Variants in EIF4G3 observed in about 807,000 individuals in gnomAD.
EIF4G3 encodes the protein eukaryotic translation initiation factor 4 gamma 3, also known as eIF-4-gamma 3.
Under a neutral mutation model 186.4 loss-of-function variants are expected in EIF4G3, and 34 were observed. The observed-to-expected ratio is 0.18, with a 90% confidence interval of 0.14 to 0.24. The LOEUF (loss-of-function observed/expected upper bound fraction) is 0.24, where lower values mean the gene tolerates loss of function less well. Ranked by LOEUF, EIF4G3 falls within the 10% of genes least tolerant of loss-of-function variation. EIF4G3 has a pLI of 1.00. For synonymous variants in EIF4G3, 673 were observed against 679.5 expected, an observed-to-expected ratio of 0.99 and a Z score of 0.15; for missense variants, 1,536 against 1,948.5, an observed-to-expected ratio of 0.79 and a Z score of 3.99.
chr1:20,910,916 A>C (rs2093090134), intron 14 of EIF4G3, among the ~76,000 whole-genome samples: 1 of 152,266 alleles, frequency 6.6e-6, no homozygotes, highest in Non-Finnish European at 1.5e-5. Flanking sequence ...CAGGCTACAT[A>C]CTTGAACAAT....
intron 10 of EIF4G3, among the ~76,000 whole-genome samples, chr1:20,976,159 T>C (rs913746552): frequency 6.7e-6 from 1 of 150,154 alleles, no homozygotes; most frequent in African/African-American, 2.4e-5. Context: ...CCTTGGTTTG[T>C]ATTTTTATTT....
chr1:21,129,302 C>T (rs976769510), intron 2 of EIF4G3, among the ~76,000 whole-genome samples: 5 of 145,874 alleles, frequency 3.4e-5, no homozygotes, highest in Admixed American at 2.1e-4. Context: ...GCAACAAGAG[C>T]GAAACTCTAT....
intron 4 of EIF4G3, among the ~76,000 whole-genome samples, chr1:21,038,750 C>T (rs1296743587): frequency 1.3e-5 from 2 of 152,128 alleles, no homozygotes; most frequent in East Asian, 3.8e-4. Flanking sequence ...ATTCCCAGTT[C>T]TTGGGAGTGT....
Position 21,109,889 on chromosome 1 carries a change from A to T in EIF4G3, c.-271-20676T>A, listed in dbSNP as rs534052180. On this transcript the variant is annotated intron_variant, in intron 2 of 36. Coordinates refer to ENST00000602326, the MANE Select transcript of EIF4G3 (RefSeq NM_001391906.1). ...AACCTCCCCCGTCTAGGTTCAAGCGATTCTCCCGCCTCAGCCACCCAAGTA... is the reference window on the plus strand; with the variant it reads ...AACCTCCCCCGTCTAGGTTCAAGCGTTTCTCCCGCCTCAGCCACCCAAGTA... 4.3e-4 allele frequency among the ~76,000 whole-genome samples: 65 copies of T among 152,186 alleles called. 1 individual carries two copies. The highest frequency in any genetic ancestry group is 1.4e-3 in the African/African-American group (57 of 41,536).
At chr1:20,957,408 C>T (rs1046447686) in intron 12 of EIF4G3, among the ~76,000 whole-genome samples, 1 of 151,440 alleles carries the variant, frequency 6.6e-6, no homozygotes, top group African/African-American at 2.4e-5. Flanking sequence ...GCAAAGTTTA[C>T]AGCACTAAAT....
At position 20,933,526 on chromosome 1, in the gene EIF4G3, G is replaced by A. The variant is rs766041410; in HGVS notation, c.1663+7965C>T. ...AAAAATTATCCGGGCGTGGTGGTGC[G>A]CACCTGTAATCCCAGCTACTCAGGG... On this transcript the variant is annotated intron_variant, in intron 14 of 36. Coordinates refer to ENST00000602326, the MANE Select transcript of EIF4G3 (RefSeq NM_001391906.1). Among the ~76,000 whole-genome samples, 254 of 152,000 alleles carry A rather than the reference G, an allele frequency of 1.7e-3. 1 individual carries two copies. The highest frequency in any genetic ancestry group is 1.3e-3 in the Non-Finnish European group (89 of 67,960).
At chr1:21,145,799 G>A (rs936799648) in intron 2 of EIF4G3, among the ~76,000 whole-genome samples, 12 of 152,202 alleles carry the variant, frequency 7.9e-5, no homozygotes, top group African/African-American at 2.9e-4. Context: ...ACAGTAAATG[G>A]GCTGGGTGTA....
At chr1:20,865,031 G>A in intron 21 of EIF4G3, 85 bp downstream of exon 21, 2 of 1,477,588 alleles carry the variant, frequency 1.4e-6, no homozygotes, top group Non-Finnish European at 1.9e-6. Flanking sequence ...TAAGGTAGCA[G>A]GGAGATGCTG....
chr1:21,084,048 A>G (rs2095877063), intron 3 of EIF4G3, among the ~76,000 whole-genome samples: 2 of 152,108 alleles, frequency 1.3e-5, no homozygotes, highest in Admixed American at 6.5e-5. Context: ...CACATCACAC[A>G]GTCTATTCTC....
Position 20,906,939 on chromosome 1 carries a change from G to C in EIF4G3, c.1664-1968C>G, listed in dbSNP as rs114952922. Among the ~76,000 whole-genome samples, 803 of 152,130 alleles carry C rather than the reference G, an allele frequency of 5.3e-3. 9 individuals are homozygous for C. The highest frequency in any genetic ancestry group is 0.019 in the African/African-American group (776 of 41,494). On this transcript the variant is annotated intron_variant, in intron 14 of 36. Coordinates refer to ENST00000602326, the MANE Select transcript of EIF4G3 (RefSeq NM_001391906.1). ...AATTTGGGTGTGCTGAGGAATGAAG[G>C]GGGAGAAAAGGGAGTAGAAGGGAAG...
At chr1:21,067,964 CTA>C in intron 3 of EIF4G3, among the ~76,000 whole-genome samples, 1 of 151,990 alleles carries the variant, frequency 6.6e-6, no homozygotes, top group South Asian at 2.1e-4. Context: ...AAGAAAACCC[CTA>C]TGTTTGTATG....
intron 2 of EIF4G3, among the ~76,000 whole-genome samples, chr1:21,097,948 A>G (rs2096415009): frequency 2.0e-5 from 3 of 152,294 alleles, no homozygotes; most frequent in Middle Eastern, 6.8e-3. Flanking sequence ...TTTAAAAAAA[A>G]AAATTGATAT....
At chr1:20,853,281 A>G (rs2073910333) in intron 27 of EIF4G3, among the ~76,000 whole-genome samples, 1 of 152,176 alleles carries the variant, frequency 6.6e-6, no homozygotes, top group Admixed American at 6.5e-5. Context: ...CTTCTAGAAC[A>G]TCTGGAGGAT....
chr1:21,146,733 GACA>G (rs2097450145), intron 2 of EIF4G3, among the ~76,000 whole-genome samples: 1 of 151,980 alleles, frequency 6.6e-6, no homozygotes, highest in African/African-American at 2.4e-5. Flanking sequence ...CTCCCGCCTG[GACA>G]ACAAGAGCAA....
intron 19 of EIF4G3, among the ~76,000 whole-genome samples, chr1:20,882,995 T>A (rs2082883345): frequency 1.3e-5 from 2 of 151,140 alleles, no homozygotes; most frequent in South Asian, 4.2e-4. Flanking sequence ...GGAGGGAGGA[T>A]CGCTTGAGCC....
chr1:21,098,395 T>C (rs2096431006), intron 2 of EIF4G3, among the ~76,000 whole-genome samples: 1 of 150,794 alleles, frequency 6.6e-6, no homozygotes, highest in African/African-American at 2.4e-5. Flanking sequence ...CACAAAAAAT[T>C]AGGCAGGCAT....
intron 26 of EIF4G3, among the ~76,000 whole-genome samples, chr1:20,854,692 G>A (rs66893302): frequency 0.028 from 4,248 of 149,694 alleles, 90 homozygotes; most frequent in Middle Eastern, 0.052. Context: ...GTGACAGAGC[G>A]GGATCCCATC....
At chr1:21,035,271 T>TGG (rs1557638422) in intron 4 of EIF4G3, among the ~76,000 whole-genome samples, 1 of 152,194 alleles carries the variant, frequency 6.6e-6, no homozygotes, top group Non-Finnish European at 1.5e-5. Context: ...GCCGTGGCTA[T>TGG]GGGAAGACAC....
Position 20,965,969 on chromosome 1 carries a change from G to C in EIF4G3, c.714+3505C>G, listed in dbSNP as rs145526352. ...CCACACATGAAACCCAGTTATGTCTGATTCCAAGTCAAAGTTTTAAACCTC... is the reference window on the plus strand; with the variant it reads ...CCACACATGAAACCCAGTTATGTCTCATTCCAAGTCAAAGTTTTAAACCTC... On this transcript the variant is annotated intron_variant, in intron 12 of 36. Coordinates refer to ENST00000602326, the MANE Select transcript of EIF4G3 (RefSeq NM_001391906.1). 1.3e-3 allele frequency among the ~76,000 whole-genome samples: 205 copies of C among 152,238 alleles called. 4 individuals carry two copies. In the South Asian group the frequency reaches 0.029, roughly 22 times the overall value.
Sources: gnomAD v4.1 joint callset for allele counts (sites outside exome capture counted in the v4.1 genomes callset) on GRCh38, gnomAD v4.1.1 for gene constraint, MANE v1.5 for transcripts, NCBI Gene and HGNC (gene_info 2026-07-23, HGNC 2026-07-21) for gene names.